Variants in ITGBL1 observed in about 807,000 individuals in gnomAD.
ITGBL1 encodes the protein integrin subunit beta like 1.
ITGBL1 carries 51 observed loss-of-function variants against 68.5 expected under a neutral mutation model. That is an observed-to-expected ratio of 0.74 (90% CI 0.59 to 0.94). The LOEUF (loss-of-function observed/expected upper bound fraction) is 0.94. Among genes scored for constraint, ITGBL1 ranks in the 40% least tolerant of loss-of-function variants. The pLI is 0.00. For missense variants in ITGBL1, 649 were observed against 647.4 expected (o/e 1.00, Z -0.03); for synonymous variants, 209 against 227.3 (o/e 0.92, Z 0.72).
chr13:101,559,793 T>A (rs1329101890), intron 2 of ITGBL1, among the ~76,000 whole-genome samples: 5 of 152,208 alleles, frequency 3.3e-5, no homozygotes, highest in Non-Finnish European at 7.3e-5. Flanking sequence ...ACTGGCTCAT[T>A]ATGAAAATCA....
chr13:101,628,254 G>A (rs1178990531), intron 7 of ITGBL1, among the ~76,000 whole-genome samples: 1 of 151,976 alleles, frequency 6.6e-6, no homozygotes, highest in Non-Finnish European at 1.5e-5. Flanking sequence ...TCTTTAATAA[G>A]GCATCTGTTA....
intron 7 of ITGBL1, among the ~76,000 whole-genome samples, chr13:101,656,063 G>A (rs887228006): frequency 6.6e-6 from 1 of 152,004 alleles, no homozygotes; most frequent in Non-Finnish European, 1.5e-5. Flanking sequence ...GTGGGGGAGG[G>A]GGGCTTCCTC....
At chr13:101,605,708 ATGTG>A (rs960312677) in intron 7 of ITGBL1, among the ~76,000 whole-genome samples, 11 of 151,550 alleles carry the variant, frequency 7.3e-5, no homozygotes, top group African/African-American at 2.7e-4. Context: ...AGACTTATGT[ATGTG>A]CGTATATGCG....
chr13:101,620,604 A>C (rs1125871), intron 7 of ITGBL1, among the ~76,000 whole-genome samples: 120,948 of 152,042 alleles, frequency 0.8, 48,175 homozygotes, highest in East Asian at 0.87. Context: ...CCCCACTAAT[A>C]GCAAAATGAA....
chr13:101,604,744 A>C (rs1594922158), intron 7 of ITGBL1, among the ~76,000 whole-genome samples: 1 of 147,160 alleles, frequency 6.8e-6, no homozygotes, highest in Non-Finnish European at 1.5e-5. Flanking sequence ...CAATTATAAG[A>C]CCCATCAGTT....
At chr13:101,598,120 A>G (rs374477027) in intron 6 of ITGBL1, 33 bp from the exon 7 acceptor site, 67 of 1,566,814 alleles carry the variant, frequency 4.3e-5, no homozygotes, top group African/African-American at 3.1e-4. Context: ...ATCTTTATGT[A>G]CATTTTTATT....
intron 2 of ITGBL1, among the ~76,000 whole-genome samples, chr13:101,545,455 CA>C (rs2049803032): frequency 6.6e-6 from 1 of 151,972 alleles, no homozygotes; most frequent in Non-Finnish European, 1.5e-5. Context: ...CCAACATAAA[CA>C]AAATTGGTGC....
intron 2 of ITGBL1, among the ~76,000 whole-genome samples, chr13:101,486,804 A>G (rs550758994): frequency 4.6e-5 from 7 of 152,280 alleles, no homozygotes; most frequent in Admixed American, 2.0e-4. Context: ...CAGTCAATGC[A>G]TGTTTGTTTA....
At chr13:101,654,806 C>T (rs146927700) in intron 7 of ITGBL1, among the ~76,000 whole-genome samples, 81 of 152,130 alleles carry the variant, frequency 5.3e-4, no homozygotes, top group African/African-American at 1.7e-3. Flanking sequence ...AGAAAGTCTA[C>T]TTATGGGAAA....
intron 7 of ITGBL1, among the ~76,000 whole-genome samples, chr13:101,600,825 C>A (rs1337626251): frequency 6.6e-6 from 1 of 152,134 alleles, no homozygotes; most frequent in Non-Finnish European, 1.5e-5. Flanking sequence ...TGATGTGTTG[C>A]TGGTTTCGGT....
rs1468838716 is a variant in ITGBL1 at position 101,583,353 on chromosome 13, T to A, written c.865T>A (p.Ser289Thr). 20 of 1,574,442 alleles carry A rather than the reference T, an allele frequency of 1.3e-5. No homozygotes were observed. The highest frequency in any genetic ancestry group is 1.6e-5 in the Non-Finnish European group (19 of 1,161,116). ...TGACCGATATTCTGATGACTTCTGT[T>A]CAGGTAAGGGCTCTTCCAATTCCTG... is the stretch of plus-strand genomic sequence containing the variant. ...VYDRYSDDFCSGHGQCNCGRC... is the reference protein window; with the variant it reads ...VYDRYSDDFCTGHGQCNCGRC... Residue 289 changes from serine to threonine, a missense_variant, in exon 6 of 11, where the codon TCA becomes ACA. Transcript: ENST00000376180.
chr13:101,650,849 T>C (rs2032728181), intron 7 of ITGBL1, among the ~76,000 whole-genome samples: 1 of 152,162 alleles, frequency 6.6e-6, no homozygotes, highest in African/African-American at 2.4e-5. Flanking sequence ...CCCACTGATA[T>C]GTCCATGTGT....
At chr13:101,490,934 A>T (rs1215645803) in intron 2 of ITGBL1, among the ~76,000 whole-genome samples, 9 of 152,212 alleles carry the variant, frequency 5.9e-5, no homozygotes, top group Non-Finnish European at 1.0e-4. Context: ...TTTAGTAAAG[A>T]ACCTCTAAAA....
chr13:101,657,186 G>A (rs9518476), intron 7 of ITGBL1, among the ~76,000 whole-genome samples: 46,188 of 151,992 alleles, frequency 0.3, 7,355 homozygotes, highest in Admixed American at 0.35. Flanking sequence ...GAATGTAACT[G>A]CTACATGTAT....
At chr13:101,635,862 A>G (rs984536903) in intron 7 of ITGBL1, among the ~76,000 whole-genome samples, 3 of 152,110 alleles carry the variant, frequency 2.0e-5, no homozygotes, top group African/African-American at 7.2e-5. Context: ...TGCATCCACC[A>G]TTTATATTTA....
chr13:101,482,805 C>T (rs1303428552), intron 2 of ITGBL1, among the ~76,000 whole-genome samples: 6 of 152,096 alleles, frequency 3.9e-5, no homozygotes, highest in Admixed American at 2.6e-4. Context: ...TTGCAATTTA[C>T]TGGACCACTT....
chr13:101,557,475 G>A (rs1474725209), intron 2 of ITGBL1, among the ~76,000 whole-genome samples: 1 of 152,094 alleles, frequency 6.6e-6, no homozygotes, highest in Non-Finnish European at 1.5e-5. Flanking sequence ...TTCAAACCAT[G>A]CAATAATTAT....
chr13:101,683,546 T>A (rs1471779260), intron 7 of ITGBL1, among the ~76,000 whole-genome samples: 1 of 152,032 alleles, frequency 6.6e-6, no homozygotes, highest in Non-Finnish European at 1.5e-5. Flanking sequence ...TCTGGAACAT[T>A]TCCTGGTTCA....
chr13:101,477,650 A>G, intron 2 of ITGBL1, among the ~76,000 whole-genome samples: 1 of 152,098 alleles, frequency 6.6e-6, no homozygotes, highest in Non-Finnish European at 1.5e-5. Flanking sequence ...TACAGCTGAT[A>G]CTACAGAAAT....
Sources: allele counts gnomAD v4.1 joint callset (sites outside exome capture counted in the v4.1 genomes callset), GRCh38; gene constraint gnomAD v4.1.1; transcripts MANE v1.5; gene names NCBI Gene and HGNC (gene_info 2026-07-23, HGNC 2026-07-21).